RAD54L: variants seen among roughly 807,000 people sequenced by gnomAD.
RAD54L encodes RAD54 like.
In RAD54L, 74 loss-of-function variants were observed where a neutral mutation model predicts 91.6. The observed-to-expected ratio is 0.81, with a 90% confidence interval of 0.67 to 0.98. The LOEUF is 0.98. Ranked by LOEUF, RAD54L falls within the 50% of genes least tolerant of loss-of-function variation. The pLI, the probability that RAD54L is intolerant of heterozygous loss-of-function variation, is 0.00. For synonymous variants in RAD54L, 304 were observed against 349.7 expected, an observed-to-expected ratio of 0.87 and a Z score of 1.46; for missense variants, 887 against 945.7, an observed-to-expected ratio of 0.94 and a Z score of 0.81.
At chr1:46,255,831 A>G (rs28363202) in intron 3 of RAD54L, among the ~76,000 whole-genome samples, 2,719 of 151,930 alleles carry the variant, frequency 0.018, 71 homozygotes, top group African/African-American at 0.057. Flanking sequence ...GCCCTCAGAC[A>G]TTTTTGGCCA....
chr1:46,270,066 C>T (rs1013481005), intron 9 of RAD54L, among the ~76,000 whole-genome samples: 4 of 151,476 alleles, frequency 2.6e-5, no homozygotes, highest in African/African-American at 7.3e-5. Flanking sequence ...GGGAGAGAAC[C>T]TGTCTCAAAA....
At chr1:46,249,972 C>A (rs951767782) in intron 2 of RAD54L, 28 bp from the exon 3 acceptor site, 1 of 1,612,686 alleles carries the variant, frequency 6.2e-7, no homozygotes, top group East Asian at 2.2e-5. Flanking sequence ...GTCTTCTAGA[C>A]TTCACCTTTC....
intron 2 of RAD54L, 149 bp downstream of exon 2, chr1:46,248,747 A>G: frequency 1.4e-6 from 1 of 735,300 alleles, no homozygotes; most frequent in East Asian, 2.7e-5. Flanking sequence ...TGTGCCAGGC[A>G]TTGAACAAGA....
At position 46,263,888 on chromosome 1, in the gene RAD54L, C is replaced by T. The variant is rs1660197436; in HGVS notation, c.891+2503C>T. ...TCTTGGCTCACCGCAACCTCTGCCTCCCATATTTAAGTAATTCTCCTGCCT... is the reference window on the plus strand; with the variant it reads ...TCTTGGCTCACCGCAACCTCTGCCTTCCATATTTAAGTAATTCTCCTGCCT... On this transcript the variant is annotated intron_variant, in intron 8 of 17. Coordinates refer to ENST00000371975, the MANE Select transcript of RAD54L (RefSeq NM_003579.4). This position sits in a 1 kb window ranked among gnomAD's most constrained non-coding sequence, Gnocchi z 4.3. Among the ~76,000 whole-genome samples the T allele has an allele frequency of 6.6e-6, 1 of 152,048 alleles. No individual in the cohort carries two copies. The highest frequency in any genetic ancestry group is 2.1e-4 in the South Asian group (1 of 4,830).
At chr1:46,252,764 A>G (rs1192061525) in intron 3 of RAD54L, among the ~76,000 whole-genome samples, 1 of 152,162 alleles carries the variant, frequency 6.6e-6, no homozygotes, top group African/African-American at 2.4e-5. Context: ...AACAGAAGAT[A>G]GACAACATTA....
chr1:46,258,539 C>T (rs1185252205), intron 3 of RAD54L, 147 bp from the exon 4 acceptor site: 2 of 704,068 alleles, frequency 2.8e-6, no homozygotes, highest in Non-Finnish European at 5.1e-6. Flanking sequence ...AGGCTGGGCC[C>T]TTCTGCTATC....
Position 46,272,677 on chromosome 1 carries a change from C to T in RAD54L, c.1250C>T (p.Thr417Ile), listed in dbSNP as rs765297873. The T allele has an allele frequency of 1.3e-5, 21 of 1,614,170 alleles. No individual in the cohort carries two copies. The South Asian group carries it at 2.2e-4, about 17-fold the overall frequency. The part of the protein sequence containing the change: ...KIEQVVCCRL[T>I]PLQTELYKRF... Reference sequence around the variant, plus strand: ...GACCCAGCTGCCTTTTTTAGGCTGACACCCCTTCAGACTGAGTTATACAAG... The same window carrying T: ...GACCCAGCTGCCTTTTTTAGGCTGATACCCCTTCAGACTGAGTTATACAAG... The change falls in exon 12 of 18, where the codon ACA (threonine) becomes ATA (isoleucine). Residue 417 changes from threonine to isoleucine, a missense_variant. Thr to Ile is a moderately conservative substitution (Grantham distance 89, BLOSUM62 -1). Coordinates refer to ENST00000371975, the MANE Select transcript of RAD54L (RefSeq NM_003579.4).
At position 46,254,652 on chromosome 1, in the gene RAD54L, G is replaced by A. The variant is rs193284079; in HGVS notation, c.211-4034G>A. 1.2e-3 allele frequency among the ~76,000 whole-genome samples: 184 copies of A among 150,160 alleles called. 2 individuals are homozygous for A. In the East Asian group the frequency reaches 0.018, roughly 15 times the overall value. ...CACCCAGGCTGGAATGCACTGGTGC[G>A]ATCACGGCTCACTGCAGCCTCAATC... is the stretch of plus-strand genomic sequence containing the variant. On this transcript the variant is annotated intron_variant, in intron 3 of 17. Transcript: ENST00000371975.
At chr1:46,257,210 T>C (rs1180151773) in intron 3 of RAD54L, among the ~76,000 whole-genome samples, 3 of 150,342 alleles carry the variant, frequency 2.0e-5, no homozygotes, top group Admixed American at 6.6e-5. Flanking sequence ...ACATTGATGA[T>C]GTGTGAAGAA....
rs888305397 is a variant in RAD54L at position 46,263,562 on chromosome 1, A to G, written c.891+2177A>G. Among the ~76,000 whole-genome samples the G allele has an allele frequency of 1.3e-5, 2 of 151,968 alleles. No individual in the cohort carries two copies. Among genetic ancestry groups the G allele is most frequent in the Admixed American group, 1.3e-4 (2 of 15,250 alleles). On this transcript the variant is annotated intron_variant, in intron 8 of 17. Coordinates refer to ENST00000371975, the MANE Select transcript of RAD54L (RefSeq NM_003579.4). This position sits in a 1 kb window ranked among gnomAD's most constrained non-coding sequence, Gnocchi z 4.3. ...GTACCATGCTTTCTAGTTGTGAGCT[A>G]TTTTCTGGTCAGTCATTGGCGGGTC... is the stretch of plus-strand genomic sequence containing the variant.
At chr1:46,267,927 T>C (rs1660313248) in intron 9 of RAD54L, among the ~76,000 whole-genome samples, 1 of 152,188 alleles carries the variant, frequency 6.6e-6, no homozygotes, top group Non-Finnish European at 1.5e-5. Flanking sequence ...AGAAGAGTTT[T>C]GGCCTCAGAG....
At chr1:46,256,431 TAC>T (rs1659942409) in intron 3 of RAD54L, among the ~76,000 whole-genome samples, 1 of 152,148 alleles carries the variant, frequency 6.6e-6, no homozygotes, top group Non-Finnish European at 1.5e-5. Flanking sequence ...TATTCATAGT[TAC>T]AGTCATGCTA....
At chr1:46,269,310 CTTTTT>C (rs76085646) in intron 9 of RAD54L, among the ~76,000 whole-genome samples, 2 of 140,264 alleles carry the variant, frequency 1.4e-5, no homozygotes, top group Non-Finnish European at 1.6e-5. Flanking sequence ...CAACTATAGT[CTTTTT>C]TTTTTTTTTT....
rs764413385 is a variant in RAD54L at position 46,272,792 on chromosome 1, G to A, written c.1365G>A (p.Lys455=). The A allele has an allele frequency of 2.5e-6, 4 of 1,614,188 alleles. No individual in the cohort carries two copies. In the South Asian group the frequency reaches 4.4e-5, roughly 18 times the overall value. ...TTTCTTCCATCACCTCGCTAAAGAA[G>A]CTTTGTAATCGTGAGTTGGGCTTGT... ...SSLSSITSLK[K]LCNHPALIYD... is the part of the protein sequence containing the mutation. Residue 455 remains lysine, a synonymous_variant, in exon 12 of 18, where the codon AAG becomes AAA. Transcript: ENST00000371975.
chr1:46,273,077 ATATACAATGT>A (rs1660482620), intron 12 of RAD54L, among the ~76,000 whole-genome samples: 1 of 152,208 alleles, frequency 6.6e-6, no homozygotes, highest in Non-Finnish European at 1.5e-5. Context: ...ACACACGCTC[ATATACAATGT>A]TGGGCAGGAG....
At position 46,265,393 on chromosome 1, in the gene RAD54L, G is replaced by T. The variant is rs560964407; in HGVS notation, c.892-2066G>T. On this transcript the variant is annotated intron_variant, in intron 8 of 17. Transcript: ENST00000371975. The surrounding 1 kb of genome is among the most constrained non-coding windows in gnomAD (Gnocchi z 4.8). Reference sequence around the variant, plus strand: ...AGCAACTCAGGAAGCTGAGGCACAAGAATTGCTTGAACTGGGGAGGCAGGC... The same window carrying T: ...AGCAACTCAGGAAGCTGAGGCACAATAATTGCTTGAACTGGGGAGGCAGGC... Among the ~76,000 whole-genome samples the T allele has an allele frequency of 6.6e-6, 1 of 151,812 alleles. No individual in the cohort carries two copies. The highest frequency in any genetic ancestry group is 2.4e-5 in the African/African-American group (1 of 41,444).
At position 46,248,273 on chromosome 1, in the gene RAD54L, TTTAA is replaced by T. The variant is rs761465162; in HGVS notation, c.-129_-126del. ...GGATTCCCGCCATCCATGCCCCCTC[TTTAA>T]TTAGCCGGTCCTCTCAATAATGTAG... On this transcript the variant is annotated 5_prime_UTR_variant, in exon 1 of 18. The change abolishes the stop of an existing upstream ORF in the 5' untranslated region. Transcript: ENST00000371975. 13 of 1,199,776 alleles carry T rather than the reference TTTAA, an allele frequency of 1.1e-5. No individual in the cohort carries two copies. Among genetic ancestry groups the T allele is most frequent in the Non-Finnish European group, 1.6e-5 (13 of 823,264 alleles). The allele number at this position is 1,199,776 out of a possible 1,614,324, so 74.3% of individuals were successfully genotyped here.
Position 46,273,354 on chromosome 1 carries a change from G to T in RAD54L, c.1376-1G>T. On this transcript the variant is annotated splice_acceptor_variant, in intron 12 of 17. Coordinates refer to ENST00000371975, the MANE Select transcript of RAD54L (RefSeq NM_003579.4). LOFTEE classifies it high-confidence loss of function. The stretch of plus-strand genomic sequence containing the variant: ...CTGGGTTTTGTTTTGTTTTCTCCCA[G>T]ATCCAGCTCTAATCTATGATAAGTG... The T allele has an allele frequency of 1.9e-6, 3 of 1,608,836 alleles. No homozygotes were observed. Among genetic ancestry groups the T allele is most frequent in the Non-Finnish European group, 2.6e-6 (3 of 1,175,160 alleles).
chr1:46,272,237 T>C (rs1660452596), intron 10 of RAD54L, among the ~76,000 whole-genome samples: 1 of 151,866 alleles, frequency 6.6e-6, no homozygotes, highest in Non-Finnish European at 1.5e-5. Flanking sequence ...GAGATGGGGT[T>C]TCTCCATTTT....
Sources: gnomAD v4.1 joint callset for allele counts (sites outside exome capture counted in the v4.1 genomes callset) on GRCh38, gnomAD v4.1.1 for gene constraint, Gnocchi (gnomAD v3.1) non-coding constraint, MANE v1.5 for transcripts, NCBI Gene and HGNC (gene_info 2026-07-23, HGNC 2026-07-21) for gene names.